The following KIAA0319L variants were observed in gnomAD, a reference collection of about 807,000 sequenced individuals.
The protein encoded by KIAA0319L is KIAA0319 like, also known as dyslexia-associated protein KIAA0319-like protein.
A neutral mutation model predicts 120.1 loss-of-function variants in KIAA0319L; 55 were observed. That is an observed-to-expected ratio of 0.46 (90% confidence interval 0.37 to 0.57). The LOEUF is 0.57. KIAA0319L is among the 20% of genes least tolerant of loss of function. KIAA0319L has a pLI of 0.00. For missense variants in KIAA0319L, 1,049 were observed against 1,255.3 expected (o/e 0.84, Z 2.48); for synonymous variants, 398 against 471.9 (o/e 0.84, Z 2.03).
At chr1:35,492,222 A>T (rs937470590) in intron 3 of KIAA0319L, among the ~76,000 whole-genome samples, 2 of 152,188 alleles carry the variant, frequency 1.3e-5, no homozygotes, top group Non-Finnish European at 2.9e-5. Flanking sequence ...CATCAAAATA[A>T]TATCATGACC....
intron 2 of KIAA0319L, among the ~76,000 whole-genome samples, chr1:35,513,282 A>ATC (rs1645536015): frequency 1.0e-5 from 1 of 98,842 alleles, no homozygotes; most frequent in African/African-American, 4.2e-5. Flanking sequence ...ATATATATAT[A>ATC]TATATATTTT....
In KIAA0319L at chr1:35,460,431, G is replaced by GT; in HGVS notation, c.1300dup (p.Thr434AsnfsTer2). Reference sequence around the variant, plus strand: ...GTACTGAACGATTTTATCATCATCAGTGCTTTCTTGACCATAAAGAAACAT... The same window carrying GT: ...GTACTGAACGATTTTATCATCATCAGTTGCTTTCTTGACCATAAAGAAACAT... On this transcript the variant is annotated frameshift_variant, in exon 9 of 21. Transcript: ENST00000325722. LOFTEE classifies it high-confidence loss of function. The GT allele has an allele frequency of 6.2e-7, 1 of 1,612,658 alleles. No individual in the cohort carries two copies. Among genetic ancestry groups the GT allele is most frequent in the Non-Finnish European group, 8.5e-7 (1 of 1,179,398 alleles).
Position 35,474,887 on chromosome 1 carries a change from T to C in KIAA0319L, c.933A>G (p.Val311=), listed in dbSNP as rs770741654. 2 of 1,600,666 alleles carry C rather than the reference T, an allele frequency of 1.2e-6. No individual in the cohort carries two copies. The highest frequency in any genetic ancestry group is 1.1e-5 in the South Asian group (1 of 90,534). Residue 311 remains valine (V), a synonymous_variant, in exon 5 of 21, where the codon GTA becomes GTG. Coordinates refer to ENST00000325722, the MANE Select transcript of KIAA0319L (RefSeq NM_024874.5). ...APYPVIKELV[V]SAGESVQITL... is the part of the protein sequence containing the mutation. Reference sequence around the variant, plus strand: ...TTATCTGGACACTCTCTCCAGCAGATACCACCAGTTCCTTTATAACTGGAA... The same window carrying C: ...TTATCTGGACACTCTCTCCAGCAGACACCACCAGTTCCTTTATAACTGGAA...
intron 17 of KIAA0319L, 140 bp from the exon 18 acceptor site, chr1:35,443,168 G>A: frequency 1.1e-6 from 1 of 952,140 alleles, no homozygotes; most frequent in Non-Finnish European, 1.6e-6. Context: ...CTTGGGCATG[G>A]TGCCTGCCTT....
At chr1:35,519,803 C>T (rs1012803305) in intron 2 of KIAA0319L, among the ~76,000 whole-genome samples, 1 of 152,180 alleles carries the variant, frequency 6.6e-6, no homozygotes, top group East Asian at 1.9e-4. Context: ...AGAGGAGATA[C>T]GTTTCAGATT....
rs1641446632 is a variant in KIAA0319L, at chr1:35,444,246, A to G, written c.2571T>C (p.His857=). Residue 857 remains histidine (H), a synonymous_variant, in exon 17 of 21, where the codon CAT becomes CAC. Coordinates refer to ENST00000325722, the MANE Select transcript of KIAA0319L (RefSeq NM_024874.5). ...CACTCTTGAGCATCGCTGCCACCTCATGGCCTTTGAAGATCTGGTGGGGAG... is the reference window on the plus strand; with the variant it reads ...CACTCTTGAGCATCGCTGCCACCTCGTGGCCTTTGAAGATCTGGTGGGGAG... The part of the protein sequence containing the change: ...NEPPHQIFKG[H]EVAAMLKSEL... The G allele has an allele frequency of 6.2e-7, 1 of 1,609,248 alleles. No homozygotes were observed. The highest frequency in any genetic ancestry group is 8.5e-7 in the Non-Finnish European group (1 of 1,178,120).
intron 2 of KIAA0319L, among the ~76,000 whole-genome samples, chr1:35,548,773 G>C (rs1647082731): frequency 1.3e-5 from 2 of 151,198 alleles, no homozygotes; most frequent in African/African-American, 4.9e-5. Flanking sequence ...ACCTCTTCTG[G>C]AGCTGCCATA....
intron 8 of KIAA0319L, 22 bp downstream of exon 8, chr1:35,462,599 T>A: frequency 6.4e-7 from 1 of 1,562,724 alleles, no homozygotes; most frequent in Non-Finnish European, 8.8e-7. Context: ...TTCTAAAACA[T>A]CATACTTAGA....
intron 3 of KIAA0319L, among the ~76,000 whole-genome samples, chr1:35,487,036 T>C (rs1422683204): frequency 6.6e-6 from 1 of 152,238 alleles, no homozygotes; most frequent in Non-Finnish European, 1.5e-5. Flanking sequence ...TGCCTTTTTT[T>C]CCCTGCGTAT....
intron 5 of KIAA0319L, among the ~76,000 whole-genome samples, chr1:35,472,207 T>C (rs1284266738): frequency 6.6e-6 from 1 of 152,134 alleles, no homozygotes; most frequent in African/African-American, 2.4e-5. Context: ...CAGGCAGAAA[T>C]ATGTTCAAAG....
At chr1:35,512,577 T>C (rs1439301670) in intron 2 of KIAA0319L, among the ~76,000 whole-genome samples, 4 of 151,648 alleles carry the variant, frequency 2.6e-5, no homozygotes, top group African/African-American at 7.3e-5. Context: ...GAATCAAGAA[T>C]GAAAGAAGGG....
At chr1:35,542,282 A>G (rs1646823284) in intron 2 of KIAA0319L, among the ~76,000 whole-genome samples, 1 of 152,208 alleles carries the variant, frequency 6.6e-6, no homozygotes, top group African/African-American at 2.4e-5. Context: ...CATTTTATAG[A>G]TGAAGAACCT....
At chr1:35,519,946 G>C (rs1416027927) in intron 2 of KIAA0319L, among the ~76,000 whole-genome samples, 1 of 152,006 alleles carries the variant, frequency 6.6e-6, no homozygotes, top group South Asian at 2.1e-4. Context: ...TCTGAGAGCT[G>C]GGAAAAAAAT....
chr1:35,501,473 A>C (rs1645003243), intron 3 of KIAA0319L, among the ~76,000 whole-genome samples: 1 of 152,126 alleles, frequency 6.6e-6, no homozygotes, highest in African/African-American at 2.4e-5. Context: ...TGCAGCTATC[A>C]TCTCCCAATT....
At chr1:35,552,449 A>T (rs2148518718) in intron 2 of KIAA0319L, among the ~76,000 whole-genome samples, 1 of 152,268 alleles carries the variant, frequency 6.6e-6, no homozygotes, top group East Asian at 1.9e-4. Context: ...TGGATTTAGA[A>T]TCCTACCTCC....
intron 2 of KIAA0319L, among the ~76,000 whole-genome samples, chr1:35,528,945 G>T (rs1405049721): frequency 6.6e-6 from 1 of 152,070 alleles, no homozygotes; most frequent in Non-Finnish European, 1.5e-5. Flanking sequence ...GTTTCCATTT[G>T]CACGGAGTAT....
chr1:35,442,786 A>G, intron 18 of KIAA0319L, 120 bp downstream of exon 18: 1 of 1,247,400 alleles, frequency 8.0e-7, no homozygotes, highest in South Asian at 1.4e-5. Context: ...CAAACAGAAA[A>G]TACACAAAGT....
intron 5 of KIAA0319L, among the ~76,000 whole-genome samples, chr1:35,473,969 T>C (rs565129277): frequency 6.6e-6 from 1 of 152,374 alleles, no homozygotes; most frequent in South Asian, 2.1e-4. Context: ...TATTAACACA[T>C]ACTTCAAAGG....
chr1:35,516,474 G>T (rs1293383908), intron 2 of KIAA0319L, among the ~76,000 whole-genome samples: 2 of 152,168 alleles, frequency 1.3e-5, no homozygotes, highest in African/African-American at 4.8e-5. Flanking sequence ...AATAGGTACA[G>T]AAAAGGCTTT....
Sources: allele counts gnomAD v4.1 joint callset (sites outside exome capture counted in the v4.1 genomes callset), GRCh38; gene constraint gnomAD v4.1.1; transcripts MANE v1.5; gene names NCBI Gene and HGNC (gene_info 2026-07-23, HGNC 2026-07-21).